The following TMTC3 variants were observed in gnomAD, a reference collection of about 807,000 sequenced individuals.
The protein encoded by TMTC3 is protein O-mannosyl-transferase TMTC3.
TMTC3 carries 52 observed loss-of-function variants against 92.2 expected under a neutral mutation model. The observed-to-expected ratio is 0.56, with a 90% CI of 0.45 to 0.71. The LOEUF (loss-of-function observed/expected upper bound fraction) is 0.71. Ranked by LOEUF, TMTC3 falls within the 30% of genes least tolerant of loss-of-function variation. The pLI, the probability that TMTC3 is intolerant of heterozygous loss-of-function variation, is 0.00. For synonymous variants in TMTC3, 339 were observed against 363.3 expected (o/e 0.93, Z 0.76); for missense variants, 896 against 1,057.1 (o/e 0.85, Z 2.11).
intron 7 of TMTC3, among the ~76,000 whole-genome samples, chr12:88,172,124 A>G (rs544835063): frequency 6.6e-6 from 1 of 152,210 alleles, no homozygotes; most frequent in Non-Finnish European, 1.5e-5. Flanking sequence ...ATGAACCTTT[A>G]TTGTTTAATT....
chr12:88,143,210 T>G (rs1188337454), intron 1 of TMTC3, among the ~76,000 whole-genome samples: 1 of 152,040 alleles, frequency 6.6e-6, no homozygotes, highest in Non-Finnish European at 1.5e-5. Flanking sequence ...TACTTGACAG[T>G]AAATTTTCCT....
chr12:88,170,710 G>T (rs1421655460), intron 7 of TMTC3, among the ~76,000 whole-genome samples: 1 of 152,178 alleles, frequency 6.6e-6, no homozygotes, highest in East Asian at 1.9e-4. Context: ...AACTTGTGAA[G>T]CTAAAGGTTT....
intron 7 of TMTC3, among the ~76,000 whole-genome samples, chr12:88,167,475 A>C (rs1212114482): frequency 6.6e-6 from 1 of 152,012 alleles, no homozygotes; most frequent in East Asian, 1.9e-4. Flanking sequence ...ATTATATGTC[A>C]GAAAGTATGT....
At chr12:88,163,680 TC>T (rs56690197) in intron 6 of TMTC3, among the ~76,000 whole-genome samples, 117,777 of 152,086 alleles carry the variant, frequency 0.77, 51,072 homozygotes, top group East Asian at 0.96. Flanking sequence ...CACATTGCCT[TC>T]TTTTCCAGTG....
At chr12:88,174,515 A>G (rs988366015) in intron 8 of TMTC3, 92 bp from the exon 9 acceptor site, 12 of 1,387,556 alleles carry the variant, frequency 8.6e-6, no homozygotes, top group African/African-American at 7.2e-5. Flanking sequence ...TTTTAGGAGC[A>G]TTTAAGATAC....
chr12:88,160,905 T>C (rs2041070516), intron 6 of TMTC3, 54 bp downstream of exon 6: 1 of 1,482,110 alleles, frequency 6.7e-7, no homozygotes, highest in South Asian at 1.3e-5. Context: ...CTTTGGATTT[T>C]AATGATCATA....
chr12:88,165,397 G>T (rs140261095), intron 6 of TMTC3, among the ~76,000 whole-genome samples: 314 of 152,044 alleles, frequency 2.1e-3, no homozygotes, highest in Admixed American at 3.4e-3. Flanking sequence ...TCAGACTCAA[G>T]ATTTATTATT....
At chr12:88,174,854 T>A in intron 9 of TMTC3, 127 bp downstream of exon 9, 1 of 1,176,150 alleles carries the variant, frequency 8.5e-7, no homozygotes, top group Non-Finnish European at 1.2e-6. Context: ...TACTAAAAGA[T>A]TAATGAAAAT....
rs565267624 is a variant in TMTC3 at position 88,181,307 on chromosome 12, A to G, written c.1432+4988A>G. ...TTCCAAATTCAAGGATGTGAATAAC[A>G]TTTGTTTGCCATAACCGATTAGGTT... is the stretch of plus-strand genomic sequence containing the variant. On this transcript the variant is annotated intron_variant, in intron 10 of 13. Coordinates refer to ENST00000266712, the MANE Select transcript of TMTC3 (RefSeq NM_181783.4). Among the ~76,000 whole-genome samples the G allele has an allele frequency of 2.6e-5, 4 of 152,312 alleles. No homozygotes were observed. In the East Asian group the frequency reaches 5.8e-4, roughly 22 times the overall value.
In TMTC3 at chr12:88,166,573, T is replaced by C; in HGVS notation, c.1041T>C (p.Thr347=). 6.2e-7 allele frequency: 1 copy of C among 1,612,002 alleles called. No individual in the cohort carries two copies. The change falls in exon 7 of 14, where the codon ACT becomes ACC. Residue 347 remains threonine, a synonymous_variant. Transcript: ENST00000266712. ...GATACTCTGGTGATTCCTCCAAGAC[T>C]GTTTTAATGGTAAGAAACTTTTCTT... The part of the protein sequence containing the change: ...SIRYSGDSSK[T]VLMALCLMAL...
At chr12:88,149,416 GA>G (rs1220390488) in intron 2 of TMTC3, among the ~76,000 whole-genome samples, 1 of 152,082 alleles carries the variant, frequency 6.6e-6, no homozygotes, top group Non-Finnish European at 1.5e-5. Flanking sequence ...TGTAAAAGAG[GA>G]TAATTCCTTT....
In TMTC3 at chr12:88,198,699, C is replaced by CT. The variant is rs533801535; in HGVS notation, c.*3052dup. The CT allele has an allele frequency of 1.2e-4, 36 of 310,062 alleles. No homozygotes were observed. The highest frequency in any genetic ancestry group is 1.9e-4 in the Non-Finnish European group (33 of 171,354). The allele number at this position is 310,062 out of a possible 1,614,324, so 19.2% of individuals were successfully genotyped here. ...CATTACATCTAATTTGAACTCTCAACTTCATGTTACAGAATGCTTTAAAGA... is the reference window on the plus strand; with the variant it reads ...CATTACATCTAATTTGAACTCTCAACTTTCATGTTACAGAATGCTTTAAAGA... On this transcript the variant is annotated 3_prime_UTR_variant, in exon 14 of 14. Transcript: ENST00000266712.
chr12:88,148,287 G>T lies in TMTC3; in HGVS notation c.-28-1G>T. 2 of 1,548,158 alleles carry T rather than the reference G, an allele frequency of 1.3e-6. No homozygotes were observed. Among genetic ancestry groups the T allele is most frequent in the South Asian group, 1.2e-5 (1 of 81,886 alleles). ...TTTTATCTTCATGATTTTTTTTCCA[G>T]TTTTTGTCCAGAAGTGCTTATAGAA... is the stretch of plus-strand genomic sequence containing the variant. On this transcript the variant is annotated splice_acceptor_variant, in intron 1 of 13. Coordinates refer to ENST00000266712, the MANE Select transcript of TMTC3 (RefSeq NM_181783.4). LOFTEE classifies it low-confidence loss of function (5UTR_SPLICE).
chr12:88,174,455 C>T (rs1023564508), intron 8 of TMTC3, 152 bp from the exon 9 acceptor site: 6 of 864,538 alleles, frequency 6.9e-6, no homozygotes, highest in Non-Finnish European at 8.3e-6. Context: ...GTTGTATCCT[C>T]TAAAGTTGGG....
At position 88,148,356 on chromosome 12, in the gene TMTC3, G is replaced by T. The variant is rs759813393; in HGVS notation, c.41G>T (p.Gly14Val). ...INLKEITLIV[G>V]VVTACYWNSL... is the part of the protein sequence containing the mutation. The stretch of plus-strand genomic sequence containing the variant: ...CTAAAAGAAATAACCTTAATAGTAG[G>T]TGTGGTTACTGCCTGCTATTGGAAC... The change falls in exon 2 of 14, where the codon GGT (glycine) becomes GTT (valine). Residue 14 changes from glycine to valine, a missense_variant. Gly to Val is a moderately radical substitution (Grantham distance 109). Transcript: ENST00000266712. 1 of 1,613,320 alleles carries T rather than the reference G, an allele frequency of 6.2e-7. No homozygotes were observed. The highest frequency in any genetic ancestry group is 1.1e-5 in the South Asian group (1 of 91,000).
chr12:88,188,861 T>G lies in TMTC3; in HGVS notation c.1451T>G (p.Met484Arg). The change falls in exon 11 of 14, where the codon ATG (methionine) becomes AGG (arginine). Residue 484 changes from methionine (M) to arginine (R), a missense_variant. Met to Arg is a moderately conservative substitution (Grantham distance 91). Transcript: ENST00000266712. ...HVQPDDIGAH[M>R]NVGRTYKNLN... ...ATTTTAGATGATATTGGTGCCCATA[T>G]GAATGTAGGAAGAACTTATAAAAAT... 1 of 1,583,274 alleles carries G rather than the reference T, an allele frequency of 6.3e-7. No individual in the cohort carries two copies. Among genetic ancestry groups the G allele is most frequent in the Non-Finnish European group, 8.6e-7 (1 of 1,161,300 alleles).
At chr12:88,186,074 A>G (rs1396464770) in intron 10 of TMTC3, among the ~76,000 whole-genome samples, 1 of 152,178 alleles carries the variant, frequency 6.6e-6, no homozygotes, top group Non-Finnish European at 1.5e-5. Context: ...ATAATTGCCT[A>G]AGCCATCAAT....
rs566664182 is a variant in TMTC3, at chr12:88,171,633, G to A, written c.1051-964G>A. On this transcript the variant is annotated intron_variant, in intron 7 of 13. Coordinates refer to ENST00000266712, the MANE Select transcript of TMTC3 (RefSeq NM_181783.4). ...GATACTTAGGTTGTTCCCATATCTTGGCTATTGTAAATTGAATAATGCTGC... is the reference window on the plus strand; with the variant it reads ...GATACTTAGGTTGTTCCCATATCTTAGCTATTGTAAATTGAATAATGCTGC... 3.9e-5 allele frequency among the ~76,000 whole-genome samples: 6 copies of A among 152,006 alleles called. No individual in the cohort carries two copies. In the South Asian group the frequency reaches 1.0e-3, roughly 26 times the overall value.
intron 3 of TMTC3, 65 bp downstream of exon 3, chr12:88,153,574 T>A: frequency 1.1e-6 from 1 of 881,718 alleles, no homozygotes; most frequent in Non-Finnish European, 1.7e-6. Context: ...ACAGTGATTA[T>A]AATGGTATAT....
Sources: gnomAD v4.1 joint callset for allele counts (sites outside exome capture counted in the v4.1 genomes callset) on GRCh38, gnomAD v4.1.1 for gene constraint, MANE v1.5 for transcripts, NCBI Gene and HGNC (gene_info 2026-07-23, HGNC 2026-07-21) for gene names.